Variants in ZNF469 observed in about 807,000 individuals in gnomAD.
The protein encoded by ZNF469 is zinc finger protein 469.
Under a neutral mutation model 1.0 loss-of-function variants are expected in ZNF469, and 1 was observed. The observed-to-expected ratio is 1.00, with a 90% CI of 0.35 to 4.73. ZNF469 has a LOEUF of 4.73. Among genes scored for constraint, ZNF469 ranks in the 30% most tolerant of loss-of-function variants. The pLI is 0.16. For missense variants in ZNF469, 6,100 were observed against 5,356.3 expected (o/e 1.14, Z -4.33); for synonymous variants, 2,703 against 2,363.4 (o/e 1.14, Z -4.17).
the ZNF469 span, among the ~76,000 whole-genome samples, chr16:88,366,208 A>T: frequency 4.0e-5 from 6 of 151,724 alleles, no homozygotes; most frequent in African/African-American, 9.7e-5. Context: ...CATCATCATC[A>T]TCATCATCAC....
At chr16:88,309,088 TC>T in the ZNF469 span, among the ~76,000 whole-genome samples, 1 of 152,164 alleles carries the variant, frequency 6.6e-6, no homozygotes, top group African/African-American at 2.4e-5. Context: ...CCTCCCAGGC[TC>T]CTGCCCCGGT....
At chr16:88,328,216 T>A in the ZNF469 span, among the ~76,000 whole-genome samples, 86 of 152,366 alleles carry the variant, frequency 5.6e-4, no homozygotes, top group Admixed American at 1.2e-3. Context: ...GGCCGGACAC[T>A]TCAGTCTTGG....
the ZNF469 span, among the ~76,000 whole-genome samples, chr16:88,209,416 G>T: frequency 9.0e-4 from 136 of 151,638 alleles, 2 homozygotes; most frequent in East Asian, 0.023. Flanking sequence ...TCAGCCTCCC[G>T]AGTAGCTGGG....
At chr16:88,126,989 T>G in the ZNF469 span, among the ~76,000 whole-genome samples, 27,829 of 152,066 alleles carry the variant, frequency 0.18, 3,201 homozygotes, top group African/African-American at 0.32. Context: ...CCGGCTATTT[T>G]TGTATTTTTA....
upstream of ZNF469, among the ~76,000 whole-genome samples, chr16:88,380,258 C>T (rs912905515): frequency 7.5e-5 from 11 of 147,364 alleles, no homozygotes; most frequent in Non-Finnish European, 1.3e-4. Flanking sequence ...TGCACTCACA[C>T]ACGTGCACTC....
the ZNF469 span, among the ~76,000 whole-genome samples, chr16:88,181,072 AC>A: frequency 1.5e-5 from 2 of 136,882 alleles, no homozygotes; most frequent in South Asian, 2.3e-4. Context: ...CAGAATACAC[AC>A]TTTTTTTTTT....
In ZNF469 at chr16:88,428,152, C is replaced by G. The variant is rs1388683384; in HGVS notation, c.682C>G (p.Gln228Glu). ...PLQPGSYPEY[Q>E]ASGADSWPPA... ...CCAGCCCGGTTCCTATCCCGAATACCAGGCCAGTGGGGCCGACTCCTGGCC... is the reference window on the plus strand; with the variant it reads ...CCAGCCCGGTTCCTATCCCGAATACGAGGCCAGTGGGGCCGACTCCTGGCC... The change falls in exon 3 of 3, where the codon CAG becomes GAG. Residue 228 changes from glutamine (Q) to glutamate (E), a missense_variant. Coordinates refer to ENST00000565624, the MANE Select transcript of ZNF469 (RefSeq NM_001367624.2). The G allele has an allele frequency of 2.6e-6, 4 of 1,550,080 alleles. No homozygotes were observed. The African/African-American group carries it at 5.5e-5, about 21-fold the overall frequency.
At chr16:88,342,380 C>T in the ZNF469 span, among the ~76,000 whole-genome samples, 1 of 152,138 alleles carries the variant, frequency 6.6e-6, no homozygotes, top group Non-Finnish European at 1.5e-5. Context: ...CTCCCAGCAG[C>T]CCAGTTCCCT....
chr16:88,350,850 C>A, the ZNF469 span, among the ~76,000 whole-genome samples: 2 of 152,200 alleles, frequency 1.3e-5, no homozygotes, highest in African/African-American at 4.8e-5. Flanking sequence ...GAAACAGATT[C>A]TCCCCAAGAG....
chr16:88,372,035 CTACCAT>C, the ZNF469 span, among the ~76,000 whole-genome samples: 1 of 129,742 alleles, frequency 7.7e-6, no homozygotes, highest in African/African-American at 2.9e-5. Context: ...ATCACCATCA[CTACCAT>C]TACCATCACC....
At chr16:88,205,029 A>G in the ZNF469 span, among the ~76,000 whole-genome samples, 8 of 152,122 alleles carry the variant, frequency 5.3e-5, no homozygotes, top group African/African-American at 1.9e-4. This position sits in a 1 kb window ranked among gnomAD's most constrained non-coding sequence, Gnocchi z 4.2. Flanking sequence ...GCGCCGAGGG[A>G]GCAGAGCCTG....
chr16:88,381,448 A>T (rs1271783073), upstream of ZNF469, among the ~76,000 whole-genome samples: 1 of 152,216 alleles, frequency 6.6e-6, no homozygotes, highest in Non-Finnish European at 1.5e-5. Context: ...GGGTTTGGAA[A>T]TTGAAGTCTT....
rs1164882474 is a variant in ZNF469, at chr16:88,430,425, T to C, written c.2955T>C (p.Gly985=). 1 of 1,517,534 alleles carries C rather than the reference T, an allele frequency of 6.6e-7. No homozygotes were observed. 94.0% of individuals were successfully genotyped at this position (1,517,534 alleles called of 1,614,324 possible). ...ASGLRPRRND[G]LGERPPPRPR... ...GCCTGAGGCCCCGGAGGAACGACGG[T>C]CTCGGGGAGCGGCCCCCACCCCGTC... is the stretch of plus-strand genomic sequence containing the variant. Residue 985 remains glycine, a synonymous_variant, in exon 3 of 3, where the codon GGT becomes GGC. Transcript: ENST00000565624.
chr16:88,320,563 T>C, the ZNF469 span, among the ~76,000 whole-genome samples: 1 of 152,162 alleles, frequency 6.6e-6, no homozygotes, highest in Non-Finnish European at 1.5e-5. Flanking sequence ...TTTGTATTTT[T>C]AGTAGAGACT....
At chr16:88,128,756 G>A in the ZNF469 span, among the ~76,000 whole-genome samples, 2 of 152,230 alleles carry the variant, frequency 1.3e-5, no homozygotes, top group South Asian at 2.1e-4. Context: ...GGCCCTCCCA[G>A]CCCCTCCAGG....
chr16:88,327,169 G>A, the ZNF469 span, among the ~76,000 whole-genome samples: 2 of 152,154 alleles, frequency 1.3e-5, no homozygotes, highest in African/African-American at 4.8e-5. Context: ...CAAGGTCCAG[G>A]CCCCGGGTGG....
At position 88,429,252 on chromosome 16, in the gene ZNF469, G is replaced by T. The variant is rs574891457; in HGVS notation, c.1782G>T (p.Pro594=). 1.9e-6 allele frequency: 3 copies of T among 1,549,738 alleles called. No homozygotes were observed. In the South Asian group the frequency reaches 3.6e-5, roughly 18 times the overall value. The change falls in exon 3 of 3, where the codon CCG becomes CCT. Residue 594 remains proline (P), a synonymous_variant. Transcript: ENST00000565624. The part of the protein sequence containing the change: ...VGASPSESPL[P]SPATNTAGST... ...CCTCCCCCAGCGAGTCCCCACTGCC[G>T]TCACCGGCCACCAACACGGCCGGCA...
chr16:88,265,462 AG>A, the ZNF469 span, among the ~76,000 whole-genome samples: 1 of 151,954 alleles, frequency 6.6e-6, no homozygotes, highest in Admixed American at 6.5e-5. Context: ...TGCGGCACAG[AG>A]GGGCAGGGGG....
the ZNF469 span, among the ~76,000 whole-genome samples, chr16:88,158,620 C>T: frequency 6.6e-6 from 1 of 152,238 alleles, no homozygotes; most frequent in Non-Finnish European, 1.5e-5. Flanking sequence ...CCACTCTCAG[C>T]AGGAGAGGAC....
Sources: gnomAD v4.1 joint callset for allele counts (sites outside exome capture counted in the v4.1 genomes callset) on GRCh38, gnomAD v4.1.1 for gene constraint, Gnocchi (gnomAD v3.1) non-coding constraint, MANE v1.5 for transcripts, NCBI Gene and HGNC (gene_info 2026-07-23, HGNC 2026-07-21) for gene names.